The following PTPRCAP variants were observed in gnomAD, a reference collection of about 807,000 sequenced individuals.
The protein encoded by PTPRCAP is protein tyrosine phosphatase receptor type C-associated protein.
For missense variants in PTPRCAP, 294 were observed against 285.5 expected, an observed-to-expected ratio of 1.03 and a Z score of -0.22; for synonymous variants, 136 against 135.8, an observed-to-expected ratio of 1.00 and a Z score of -0.01.
rs773297129 is a variant in PTPRCAP, at chr11:67,436,073, C to T, written c.281G>A (p.Arg94Gln). ...ASPPGRWLQA[R>Q]AELGSTDNDL... ...ATTGTCTGTGGACCCCAGCTCAGCT[C>T]GGGCCTGCAGCCAGCGACCTGGGGG... The change falls in exon 2 of 2, where the codon CGA (arginine) becomes CAA (glutamine). Residue 94 changes from arginine to glutamine, a missense_variant. Physicochemically the swap from Arg to Gln is conservative, Grantham distance 43. Coordinates refer to ENST00000326294, the MANE Select transcript of PTPRCAP (RefSeq NM_005608.3). 271 of 1,612,550 alleles carry T rather than the reference C, an allele frequency of 1.7e-4. No individual in the cohort carries two copies. The highest frequency in any genetic ancestry group is 2.2e-4 in the Non-Finnish European group (255 of 1,179,644).
chr11:67,437,610 G>T lies in PTPRCAP; in HGVS notation c.3+7C>A. 1 of 1,361,442 alleles carries T rather than the reference G, an allele frequency of 7.3e-7. No homozygotes were observed. The highest frequency in any genetic ancestry group is 2.1e-5 in the South Asian group (1 of 46,584). 84.3% of individuals were successfully genotyped at this position (1,361,442 alleles called of 1,614,324 possible). Reference sequence around the variant, plus strand: ...ATCCCAAGAACCCGGGGGGCTCCGAGGCTTACCATTGGTCCGCAGGCCCCT... The same window carrying T: ...ATCCCAAGAACCCGGGGGGCTCCGATGCTTACCATTGGTCCGCAGGCCCCT... On this transcript the variant is annotated splice_region_variant and intron_variant, in intron 1 of 1. Transcript: ENST00000326294.
In PTPRCAP at chr11:67,435,524, G is replaced by A. The variant is rs984255308; in HGVS notation, c.*209C>T. On this transcript the variant is annotated 3_prime_UTR_variant, in exon 2 of 2. Coordinates refer to ENST00000326294, the MANE Select transcript of PTPRCAP (RefSeq NM_005608.3). ...GACCACAGGGCCACAGGCTGAAGGA[G>A]TTTTATTTCAAATGGTTGCCTGATG... 26 of 746,846 alleles carry A rather than the reference G, an allele frequency of 3.5e-5. No individual in the cohort carries two copies. Among genetic ancestry groups the A allele is most frequent in the Admixed American group, 1.0e-4 (3 of 29,466 alleles). The allele number at this position is 746,846 out of a possible 1,614,324, so 46.3% of individuals were successfully genotyped here. A position where few individuals can be genotyped will look rare whatever the true frequency, so the allele number is the denominator to read the frequency against.
At position 67,435,629 on chromosome 11, in the gene PTPRCAP, G is replaced by T; in HGVS notation, c.*104C>A. 1 of 1,469,390 alleles carries T rather than the reference G, an allele frequency of 6.8e-7. No individual in the cohort carries two copies. The highest frequency in any genetic ancestry group is 9.0e-7 in the Non-Finnish European group (1 of 1,110,144). The allele number at this position is 1,469,390 out of a possible 1,614,324, so 91.0% of individuals were successfully genotyped here. A position where few individuals can be genotyped will look rare whatever the true frequency, so the allele number is the denominator to read the frequency against. The stretch of plus-strand genomic sequence containing the variant: ...AACTGGTAGGGGGTGACAGTCTGAG[G>T]CATGGTCATGTGGGCTGGGGGTCCA... On this transcript the variant is annotated 3_prime_UTR_variant, in exon 2 of 2. Coordinates refer to ENST00000326294, the MANE Select transcript of PTPRCAP (RefSeq NM_005608.3).
chr11:67,436,549 C>T, intron 1 of PTPRCAP, 199 bp from the exon 2 acceptor site: 1 of 532,650 alleles, frequency 1.9e-6, no homozygotes, highest in Non-Finnish European at 3.1e-6. Flanking sequence ...CCAGCCTCCT[C>T]CCTACCACTC....
intron 1 of PTPRCAP, 53 bp downstream of exon 1, chr11:67,437,564 C>T (rs1360395549): frequency 7.5e-7 from 1 of 1,338,014 alleles, no homozygotes; most frequent in South Asian, 2.4e-5. Flanking sequence ...GACATTCTAG[C>T]CCCGACCGCC....
Position 67,435,583 on chromosome 11 carries a change from CG to C in PTPRCAP, c.*149del, listed in dbSNP as rs1864248445. 16 of 1,212,300 alleles carry C rather than the reference CG, an allele frequency of 1.3e-5. No homozygotes were observed. Among genetic ancestry groups the C allele is most frequent in the Non-Finnish European group, 1.7e-5 (15 of 893,850 alleles). The allele number at this position is 1,212,300 out of a possible 1,614,324, so 75.1% of individuals were successfully genotyped here. A position where few individuals can be genotyped will look rare whatever the true frequency, so the allele number is the denominator to read the frequency against. On this transcript the variant is annotated 3_prime_UTR_variant, in exon 2 of 2. Transcript: ENST00000326294. The stretch of plus-strand genomic sequence containing the variant: ...TGGGGGGGGCCGTTCCCGTGGTGAG[CG>C]GGGTACACATGGACTTGGGAACTGG...
In PTPRCAP at chr11:67,436,027, A is replaced by C. The variant is rs778676732; in HGVS notation, c.327T>G (p.Asp109Glu). The change falls in exon 2 of 2, where the codon GAT (aspartate) becomes GAG (glutamate). Residue 109 changes from aspartate (D) to glutamate (E), a missense_variant. Asp to Glu is a conservative substitution (Grantham distance 45, BLOSUM62 2). Transcript: ENST00000326294. ...CGTGGTCATAGTCTGTGTCCTGCTC[A>C]TCCTCCTGTCGCTCAAGGTCATTGT... ...STDNDLERQE[D>E]EQDTDYDHVA... 1.2e-6 allele frequency: 2 copies of C among 1,613,646 alleles called. No homozygotes were observed. Among genetic ancestry groups the C allele is most frequent in the Non-Finnish European group, 1.7e-6 (2 of 1,179,858 alleles).
rs1343566767 is a variant in PTPRCAP at position 67,436,332 on chromosome 11, C to T, written c.22G>A (p.Gly8Arg). The part of the protein sequence containing the change: MALPCTL[G>R]LGMLLALPGA... Reference sequence around the variant, plus strand: ...GGCAGGGCCAGCAGCATCCCGAGCCCTAAGGTGCAGGGCAGAGCCTGTGGG... The same window carrying T: ...GGCAGGGCCAGCAGCATCCCGAGCCTTAAGGTGCAGGGCAGAGCCTGTGGG... The change falls in exon 2 of 2, where the codon GGG (glycine) becomes AGG (arginine). Residue 8 changes from glycine (G) to arginine (R), a missense_variant. Transcript: ENST00000326294. The T allele has an allele frequency of 6.7e-7, 1 of 1,501,564 alleles. No individual in the cohort carries two copies. Among genetic ancestry groups the T allele is most frequent in the Non-Finnish European group, 8.9e-7 (1 of 1,126,994 alleles). 93.0% of individuals were successfully genotyped at this position (1,501,564 alleles called of 1,614,324 possible).
chr11:67,436,403 G>C, intron 1 of PTPRCAP, 53 bp from the exon 2 acceptor site: 1 of 1,423,456 alleles, frequency 7.0e-7, no homozygotes, highest in South Asian at 1.5e-5. Flanking sequence ...GTGGGGCCTG[G>C]TGTGGGGCAG....
rs369544699 is a variant in PTPRCAP at position 67,435,921 on chromosome 11, C to T, written c.433G>A (p.Val145Met). The change falls in exon 2 of 2, where the codon GTG becomes ATG. Residue 145 changes from valine to methionine, a missense_variant. Transcript: ENST00000326294. ...GEASSPEQVP[V>M]RAEEARDSDT... ...CTGTCTCTGGCTTCCTCAGCCCGCACGGGGACCTGCTCTGGGCTGGACGCC... is the reference window on the plus strand; with the variant it reads ...CTGTCTCTGGCTTCCTCAGCCCGCATGGGGACCTGCTCTGGGCTGGACGCC... 4.1e-5 allele frequency: 66 copies of T among 1,612,902 alleles called. No homozygotes were observed. The highest frequency in any genetic ancestry group is 1.5e-4 in the African/African-American group (11 of 75,018).
At chr11:67,436,490 C>T (rs1446057020) in intron 1 of PTPRCAP, 140 bp from the exon 2 acceptor site, 1 of 1,000,494 alleles carries the variant, frequency 1.0e-6, no homozygotes, top group Non-Finnish European at 1.4e-6. Context: ...AGGCCAAGGC[C>T]TTATTTGGTC....
intron 1 of PTPRCAP, chr11:67,437,380 C>T (rs1864309147): frequency 7.3e-6 from 3 of 413,458 alleles, no homozygotes; most frequent in Non-Finnish European, 1.3e-5. Flanking sequence ...CAGGTAAGGG[C>T]CTTCCCAGGG....
chr11:67,436,645 A>C (rs1590983061), intron 1 of PTPRCAP: 7 of 323,054 alleles, frequency 2.2e-5, no homozygotes, highest in Non-Finnish European at 4.0e-5. Flanking sequence ...ACCTCCTCCC[A>C]TCCTCCCCTC....
At chr11:67,436,888 T>C (rs1475373714) in intron 1 of PTPRCAP, 1 of 152,808 alleles carries the variant, frequency 6.5e-6, no homozygotes, top group East Asian at 1.9e-4. Context: ...GCTTTTTGGG[T>C]CAAGCATGTT....
chr11:67,435,631 A>G lies in PTPRCAP; in HGVS notation c.*102T>C, dbSNP rs1864249743. On this transcript the variant is annotated 3_prime_UTR_variant, in exon 2 of 2. Coordinates refer to ENST00000326294, the MANE Select transcript of PTPRCAP (RefSeq NM_005608.3). ...CTGGTAGGGGGTGACAGTCTGAGGC[A>G]TGGTCATGTGGGCTGGGGGTCCAGT... 6.8e-6 allele frequency: 10 copies of G among 1,474,106 alleles called. No individual in the cohort carries two copies. Among genetic ancestry groups the G allele is most frequent in the Admixed American group, 2.4e-5 (1 of 42,300 alleles). The allele number at this position is 1,474,106 out of a possible 1,614,324, so 91.3% of individuals were successfully genotyped here.
Position 67,436,136 on chromosome 11 carries a change from G to GCGCAC in PTPRCAP, c.217_218insGTGCG (p.Ala73GlyfsTer107). ...CAGGCGCCGCGTGCGGCCCCACAGC[G>GCGCAC]CGGCACCTAGGCGGGCCGGGTGGTA... is the stretch of plus-strand genomic sequence containing the variant. On this transcript the variant is annotated frameshift_variant, in exon 2 of 2. Coordinates refer to ENST00000326294, the MANE Select transcript of PTPRCAP (RefSeq NM_005608.3). LOFTEE classifies it low-confidence loss of function (END_TRUNC). 1.3e-6 allele frequency: 2 copies of GCGCAC among 1,582,706 alleles called. No individual in the cohort carries two copies. The highest frequency in any genetic ancestry group is 1.7e-6 in the Non-Finnish European group (2 of 1,164,320).
chr11:67,436,435 T>C lies in PTPRCAP; in HGVS notation c.4-85A>G, dbSNP rs529106143. The C allele has an allele frequency of 1.1e-4, 156 of 1,389,408 alleles. No individual in the cohort carries two copies. The African/African-American group carries it at 1.8e-3, about 16-fold the overall frequency. The allele number at this position is 1,389,408 out of a possible 1,614,324, so 86.1% of individuals were successfully genotyped here. Reference sequence around the variant, plus strand: ...GCAGGCTGGGTGACCAAGACCACTTTCGTTTTTTTCTCTTTGGGATCCTCT... The same window carrying C: ...GCAGGCTGGGTGACCAAGACCACTTCCGTTTTTTTCTCTTTGGGATCCTCT... On this transcript the variant is annotated intron_variant, in intron 1 of 1. Transcript: ENST00000326294.
rs536852844 is a variant in PTPRCAP, at chr11:67,436,190, C to T, written c.164G>A (p.Arg55His). The T allele has an allele frequency of 1.2e-4, 189 of 1,553,638 alleles. No homozygotes were observed. Among genetic ancestry groups the T allele is most frequent in the African/African-American group, 1.6e-4 (12 of 73,570 alleles). Residue 55 changes from arginine (R) to histidine (H), a missense_variant, in exon 2 of 2, where the codon CGC (arginine) becomes CAC (histidine). Coordinates refer to ENST00000326294, the MANE Select transcript of PTPRCAP (RefSeq NM_005608.3). ...GCCCCCTGAGTCACGGCTGAGGCGG[C>T]GCCAGGCCAGTGCTAGGCCAGTGGC... is the stretch of plus-strand genomic sequence containing the variant. ...LLATGLALAW[R>H]RLSRDSGGYY... is the part of the protein sequence containing the mutation.
At position 67,435,797 on chromosome 11, in the gene PTPRCAP, C is replaced by T; in HGVS notation, c.557G>A (p.Ser186Asn). Residue 186 changes from serine (S) to asparagine (N), a missense_variant, in exon 2 of 2, where the codon AGC becomes AAC. Ser to Asn is a conservative substitution (Grantham distance 46, BLOSUM62 1). Transcript: ENST00000326294. ...LLSDLHAFAG[S>N]AAWDDSARAA... ...CCTGGCGCTGTCATCCCAGGCTGCGCTGCCAGCAAAGGCGTGCAGGTCACT... is the reference window on the plus strand; with the variant it reads ...CCTGGCGCTGTCATCCCAGGCTGCGTTGCCAGCAAAGGCGTGCAGGTCACT... 3 of 1,593,024 alleles carry T rather than the reference C, an allele frequency of 1.9e-6. No individual in the cohort carries two copies. The highest frequency in any genetic ancestry group is 1.7e-6 in the Non-Finnish European group (2 of 1,169,854).
Sources: gnomAD v4.1 joint callset for allele counts on GRCh38, gnomAD v4.1.1 for gene constraint, MANE v1.5 for transcripts, NCBI Gene and HGNC (gene_info 2026-07-23, HGNC 2026-07-21) for gene names.